NKAIN3: variants seen among roughly 807,000 people sequenced by gnomAD.
NKAIN3 encodes sodium/potassium-transporting ATPase subunit beta-1-interacting protein 3.
In NKAIN3, 25 loss-of-function variants were observed where a neutral mutation model predicts 30.2. The ratio of observed to expected loss-of-function variants is 0.83; its 90% CI spans 0.60 to 1.16. The LOEUF (loss-of-function observed/expected upper bound fraction) is 1.16. Among genes scored for constraint, NKAIN3 ranks in the 50% most tolerant of loss-of-function variants. The pLI, the probability that NKAIN3 is intolerant of heterozygous loss-of-function variation, is 0.00. For missense variants in NKAIN3, 225 were observed against 254.1 expected (o/e 0.89, Z 0.78); for synonymous variants, 91 against 89.6 (o/e 1.02, Z -0.09).
intron 4 of NKAIN3, among the ~76,000 whole-genome samples, chr8:62,774,513 G>T (rs899823900): frequency 2.6e-5 from 4 of 152,002 alleles, no homozygotes; most frequent in East Asian, 1.9e-4. Context: ...TTCAATTTTT[G>T]CCCATTTAGT....
rs576841371 is a variant in NKAIN3, at chr8:62,920,208, A to G, written c.532+1695A>G. ...AATAAGTCAAAAAATTAATAAATTGATAAGTCCTAGCTGAATCTCTTACAA... is the reference window on the plus strand; with the variant it reads ...AATAAGTCAAAAAATTAATAAATTGGTAAGTCCTAGCTGAATCTCTTACAA... On this transcript the variant is annotated intron_variant, in intron 5 of 6. Transcript: ENST00000623646. Among the ~76,000 whole-genome samples, 9 of 152,334 alleles carry G rather than the reference A, an allele frequency of 5.9e-5. No individual in the cohort carries two copies. The East Asian group carries it at 1.4e-3, about 23-fold the overall frequency.
intron 3 of NKAIN3, among the ~76,000 whole-genome samples, chr8:62,650,213 A>G (rs1812583445): frequency 6.6e-6 from 1 of 152,148 alleles, no homozygotes; most frequent in South Asian, 2.1e-4. Flanking sequence ...CTGTCATCAC[A>G]GTCTCAATTT....
At chr8:62,862,307 AG>A (rs1368617259) in intron 4 of NKAIN3, among the ~76,000 whole-genome samples, 1 of 152,176 alleles carries the variant, frequency 6.6e-6, no homozygotes, top group Non-Finnish European at 1.5e-5. Context: ...TAAAAAAAAA[AG>A]AAAATATGGA....
chr8:62,371,621 G>A (rs1394037334), intron 1 of NKAIN3, among the ~76,000 whole-genome samples: 2 of 151,592 alleles, frequency 1.3e-5, no homozygotes, highest in African/African-American at 4.8e-5. Context: ...TTTTAATTCT[G>A]GGTTTCTGTT....
chr8:62,679,488 G>A (rs58817091), intron 3 of NKAIN3, among the ~76,000 whole-genome samples: 14,851 of 152,088 alleles, frequency 0.098, 866 homozygotes, highest in East Asian at 0.25. Context: ...GTCCATTCTC[G>A]AACTGCTATA....
intron 3 of NKAIN3, among the ~76,000 whole-genome samples, chr8:62,708,144 G>A (rs1814592987): frequency 6.6e-6 from 1 of 152,132 alleles, no homozygotes; most frequent in African/African-American, 2.4e-5. Context: ...AGTATAGTTT[G>A]AAATCAGGTA....
rs1429579616 is a variant in NKAIN3, at chr8:62,636,596, G to T, written c.273+46802G>T. Reference sequence around the variant, plus strand: ...ATGGCAATGCCAAGGCAAAATAAAAGGTCTCGTAGAGAATAATCTTGTGTT... The same window carrying T: ...ATGGCAATGCCAAGGCAAAATAAAATGTCTCGTAGAGAATAATCTTGTGTT... On this transcript the variant is annotated intron_variant, in intron 3 of 6. Coordinates refer to ENST00000623646, the MANE Select transcript of NKAIN3 (RefSeq NM_001304533.3). Among the ~76,000 whole-genome samples the T allele has an allele frequency of 2.0e-5, 3 of 152,266 alleles. No individual in the cohort carries two copies. The East Asian group carries it at 5.8e-4, about 29-fold the overall frequency.
At chr8:62,689,658 T>C (rs1000637393) in intron 3 of NKAIN3, among the ~76,000 whole-genome samples, 5 of 152,204 alleles carry the variant, frequency 3.3e-5, no homozygotes, top group Admixed American at 2.0e-4. Context: ...TGTGCCTTTA[T>C]GTTAGAAGAA....
At chr8:62,487,408 C>T (rs1421358686) in intron 1 of NKAIN3, among the ~76,000 whole-genome samples, 1 of 152,088 alleles carries the variant, frequency 6.6e-6, no homozygotes, top group Non-Finnish European at 1.5e-5. Context: ...AAATATTACC[C>T]ACGGAGAGAA....
intron 1 of NKAIN3, among the ~76,000 whole-genome samples, chr8:62,261,268 C>A (rs1205857192): frequency 6.6e-6 from 1 of 151,634 alleles, no homozygotes; most frequent in African/African-American, 2.4e-5. Context: ...TTTTTATTTT[C>A]AAAAAATTAC....
chr8:62,718,309 ATTAT>A (rs1252329785), intron 3 of NKAIN3, among the ~76,000 whole-genome samples: 1 of 152,186 alleles, frequency 6.6e-6, no homozygotes, highest in Non-Finnish European at 1.5e-5. Flanking sequence ...AAACAGAAGG[ATTAT>A]TTATTATATA....
chr8:62,465,110 C>T (rs1055898735), intron 1 of NKAIN3, among the ~76,000 whole-genome samples: 7 of 152,234 alleles, frequency 4.6e-5, no homozygotes, highest in African/African-American at 1.7e-4. Flanking sequence ...AATATTCAAG[C>T]TCAAACAGTT....
At chr8:62,575,826 C>G (rs7835725) in intron 1 of NKAIN3, among the ~76,000 whole-genome samples, 1 of 151,940 alleles carries the variant, frequency 6.6e-6, no homozygotes, top group Non-Finnish European at 1.5e-5. Flanking sequence ...CTAAAGTGAA[C>G]GAATTTTTTG....
chr8:62,481,705 C>A (rs1806726652), intron 1 of NKAIN3, among the ~76,000 whole-genome samples: 1 of 152,146 alleles, frequency 6.6e-6, no homozygotes, highest in Non-Finnish European at 1.5e-5. Flanking sequence ...AAATAATTTC[C>A]CCTTCTCTTT....
chr8:62,851,896 G>C (rs1341904914), intron 4 of NKAIN3, among the ~76,000 whole-genome samples: 1 of 152,130 alleles, frequency 6.6e-6, no homozygotes, highest in African/African-American at 2.4e-5. Flanking sequence ...ATGTTCATCA[G>C]GGATATTGGT....
At chr8:62,698,737 T>G (rs1814242097) in intron 3 of NKAIN3, among the ~76,000 whole-genome samples, 1 of 152,202 alleles carries the variant, frequency 6.6e-6, no homozygotes, top group African/African-American at 2.4e-5. Flanking sequence ...AATCATAAAG[T>G]TAATTTCAAC....
At chr8:62,258,377 T>A (rs779914343) in intron 1 of NKAIN3, among the ~76,000 whole-genome samples, 17 of 152,302 alleles carry the variant, frequency 1.1e-4, no homozygotes, top group Middle Eastern at 3.4e-3. Context: ...CTGGGCATAG[T>A]GTCTCAGACC....
chr8:62,401,524 G>T (rs1354918046), intron 1 of NKAIN3, among the ~76,000 whole-genome samples: 1 of 152,088 alleles, frequency 6.6e-6, no homozygotes, highest in Admixed American at 6.5e-5. Context: ...GAAGAGTTAG[G>T]CATTTATAGT....
chr8:62,276,189 C>T (rs929448563), intron 1 of NKAIN3, among the ~76,000 whole-genome samples: 1 of 152,134 alleles, frequency 6.6e-6, no homozygotes, highest in African/African-American at 2.4e-5. Context: ...CCTCAGCCTC[C>T]TTAGTAGCTG....
Sources: gnomAD v4.1 joint callset for allele counts (sites outside exome capture counted in the v4.1 genomes callset) on GRCh38, gnomAD v4.1.1 for gene constraint, MANE v1.5 for transcripts, NCBI Gene and HGNC (gene_info 2026-07-23, HGNC 2026-07-21) for gene names.